DHRS3: variants seen among roughly 807,000 people sequenced by gnomAD.
The protein encoded by DHRS3 is dehydrogenase/reductase 3.
Under a neutral mutation model 27.2 loss-of-function variants are expected in DHRS3, and 14 were observed. That is an observed-to-expected ratio of 0.52 (90% CI 0.34 to 0.81). The LOEUF is 0.81. DHRS3 is among the 30% of genes least tolerant of loss of function. DHRS3 has a pLI of 0.01. For synonymous variants in DHRS3, 165 were observed against 175.9 expected (o/e 0.94, Z 0.49); for missense variants, 322 against 406.2 (o/e 0.79, Z 1.78).
rs1433586409 is a variant in DHRS3, at chr1:12,617,440, G to A, written c.-92C>T. 1.5e-6 allele frequency: 2 copies of A among 1,325,464 alleles called. No homozygotes were observed. The highest frequency in any genetic ancestry group is 1.0e-6 in the Non-Finnish European group (1 of 994,296). 82.1% of individuals were successfully genotyped at this position (1,325,464 alleles called of 1,614,324 possible). On this transcript the variant is annotated 5_prime_UTR_variant, in exon 1 of 6. Transcript: ENST00000616661. ...CACCCCGAACAATAAATAGTAAACC[G>A]AATAAGGAGGAGAGAGGCGTCCCAC...
chr1:12,580,375 G>A lies in DHRS3; in HGVS notation c.339+148C>T, dbSNP rs753341156. The A allele has an allele frequency of 8.7e-6, 9 of 1,029,896 alleles. 1 individual carries two copies. The South Asian group carries it at 9.5e-5, about 11-fold the overall frequency. The allele number at this position is 1,029,896 out of a possible 1,614,324, so 63.8% of individuals were successfully genotyped here. A position where few individuals can be genotyped will look rare whatever the true frequency, so the allele number is the denominator to read the frequency against. On this transcript the variant is annotated intron_variant, in intron 2 of 5. Transcript: ENST00000616661. Reference sequence around the variant, plus strand: ...ATCCCTGCCTATGTAACTGGGGCCAGCTTCATGGGAGAGTCCCCAAAGGTG... The same window carrying A: ...ATCCCTGCCTATGTAACTGGGGCCAACTTCATGGGAGAGTCCCCAAAGGTG...
rs540641353 is a variant in DHRS3 at position 12,578,777 on chromosome 1, G to A, written c.639C>T (p.Ser213=). The change falls in exon 4 of 6, where the codon AGC becomes AGT. Residue 213 remains serine (S), a synonymous_variant. Transcript: ENST00000616661. This position sits in a 1 kb window ranked among gnomAD's most constrained non-coding sequence, Gnocchi z 4.5. ...TLGLLDCPGV[S]ATTVLPFHTS... is the part of the protein sequence containing the mutation. ...TGTGGAAGGGCAGCACTGTGGTGGC[G>A]CTGACTCCCGGACAGTCCAGCAGCC... The A allele has an allele frequency of 5.5e-5, 89 of 1,614,070 alleles. No homozygotes were observed. The highest frequency in any genetic ancestry group is 9.9e-5 in the South Asian group (9 of 91,076).
In DHRS3 at chr1:12,600,030, G is replaced by A. The variant is rs544678829; in HGVS notation, c.195+17124C>T. ...GTGCTTGCAGCTGCCTTCAGCCATG[G>A]TCCACCCTACCAAGGCATGTAGGCT... On this transcript the variant is annotated intron_variant, in intron 1 of 5. Transcript: ENST00000616661. 6.6e-5 allele frequency among the ~76,000 whole-genome samples: 10 copies of A among 152,252 alleles called. No homozygotes were observed. The East Asian group carries it at 1.9e-3, about 29-fold the overall frequency.
At chr1:12,609,110 T>A (rs1646890027) in intron 1 of DHRS3, among the ~76,000 whole-genome samples, 1 of 152,228 alleles carries the variant, frequency 6.6e-6, no homozygotes, top group Non-Finnish European at 1.5e-5. Flanking sequence ...ACTACTGCCA[T>A]TAGAAGCCTG....
At chr1:12,597,300 C>T (rs1317509838) in intron 1 of DHRS3, among the ~76,000 whole-genome samples, 1 of 152,186 alleles carries the variant, frequency 6.6e-6, no homozygotes, top group South Asian at 2.1e-4. Context: ...TGGTCTCGAA[C>T]TCCTGACCTC....
chr1:12,588,002 T>C (rs1646712276), intron 1 of DHRS3, among the ~76,000 whole-genome samples: 1 of 152,228 alleles, frequency 6.6e-6, no homozygotes, highest in Admixed American at 6.5e-5. Flanking sequence ...CATTACACAG[T>C]GCTCTTGGCC....
chr1:12,576,545 G>T (rs891880425), intron 4 of DHRS3, among the ~76,000 whole-genome samples: 8 of 151,186 alleles, frequency 5.3e-5, no homozygotes, highest in African/African-American at 1.9e-4. Context: ...CTGGGCGACA[G>T]AGCAAGATTC....
chr1:12,577,558 C>G (rs1646600619), intron 4 of DHRS3, among the ~76,000 whole-genome samples: 1 of 152,196 alleles, frequency 6.6e-6, no homozygotes, highest in South Asian at 2.1e-4. Flanking sequence ...GGCGTGGTGG[C>G]TCACACCTGT....
chr1:12,579,919 G>C (rs922890157), intron 2 of DHRS3: 2 of 180,856 alleles, frequency 1.1e-5, no homozygotes, highest in African/African-American at 4.8e-5. Flanking sequence ...CCTAGTTCCA[G>C]TTATCCTGCA....
rs1350354646 is a variant in DHRS3 at position 12,612,219 on chromosome 1, C to T, written c.195+4935G>A. Among the ~76,000 whole-genome samples, 2 of 152,080 alleles carry T rather than the reference C, an allele frequency of 1.3e-5. 1 individual carries two copies. The highest frequency in any genetic ancestry group is 4.1e-4 in the South Asian group (2 of 4,820). The stretch of plus-strand genomic sequence containing the variant: ...CAGAGTGAGGATGGGAGAGATGGGC[C>T]ACTGCTCTCTCCCTGTAAATTGGTT... On this transcript the variant is annotated intron_variant, in intron 1 of 5. Transcript: ENST00000616661.
rs61776825 is a variant in DHRS3 at position 12,569,227 on chromosome 1, T to A, written c.825-803A>T. On this transcript the variant is annotated intron_variant, in intron 5 of 5. Coordinates refer to ENST00000616661, the MANE Select transcript of DHRS3 (RefSeq NM_004753.7). ...AGTAAAACTCTGTCCCCTCTCTCTCTCTCTCACACACACACACACACACAC... is the reference window on the plus strand; with the variant it reads ...AGTAAAACTCTGTCCCCTCTCTCTCACTCTCACACACACACACACACACAC... Among the ~76,000 whole-genome samples, 367 of 135,994 alleles carry A rather than the reference T, an allele frequency of 2.7e-3. 2 individuals carry two copies. The highest frequency in any genetic ancestry group is 7.9e-3 in the African/African-American group (295 of 37,404). 89.2% of individuals were successfully genotyped at this position (135,994 alleles called of 152,430 possible).
At position 12,617,857 on chromosome 1, in the gene DHRS3, C is replaced by CCCCCAA. The variant is rs1646956401; in HGVS notation, c.-510_-509insTTGGGG. On this transcript the variant is annotated 5_prime_UTR_variant, in exon 1 of 6. Transcript: ENST00000616661. ...AGCGCCCCCACCCCCACCCCGTCTC[C>CCCCCAA]AGAAAAAAAAAAAAAAAAAAAGTGG... The CCCCCAA allele has an allele frequency of 1.8e-5, 1 of 57,088 alleles. No individual in the cohort carries two copies. The highest frequency in any genetic ancestry group is 3.3e-5 in the Non-Finnish European group (1 of 29,950). 3.5% of individuals were successfully genotyped at this position (57,088 alleles called of 1,614,324 possible).
intron 1 of DHRS3, among the ~76,000 whole-genome samples, chr1:12,587,550 T>G (rs1038294187): frequency 2.0e-5 from 3 of 152,052 alleles, no homozygotes; most frequent in African/African-American, 7.3e-5. Context: ...AGAACAAGTA[T>G]TGTTATTTAT....
intron 1 of DHRS3, among the ~76,000 whole-genome samples, chr1:12,588,469 T>C (rs1646716868): frequency 6.6e-6 from 1 of 152,218 alleles, no homozygotes; most frequent in African/African-American, 2.4e-5. Flanking sequence ...AGGATACCCA[T>C]TCCTCACTGC....
intron 3 of DHRS3, 155 bp from the exon 4 acceptor site, chr1:12,579,111 C>T (rs1646619742): frequency 1.6e-6 from 2 of 1,276,830 alleles, no homozygotes; most frequent in South Asian, 1.4e-5. Flanking sequence ...TGCCCCAGGA[C>T]ACCGAGCATA....
intron 1 of DHRS3, among the ~76,000 whole-genome samples, chr1:12,603,299 G>A (rs4846126): frequency 0.45 from 68,370 of 152,174 alleles, 16,243 homozygotes; most frequent in South Asian, 0.55. Flanking sequence ...GCAAATCCAA[G>A]AAGGGTCCAT....
At chr1:12,611,041 A>G (rs1203613547) in intron 1 of DHRS3, among the ~76,000 whole-genome samples, 2 of 152,234 alleles carry the variant, frequency 1.3e-5, no homozygotes, top group African/African-American at 2.4e-5. Context: ...AGGACACCTC[A>G]TAAATACAGC....
At chr1:12,585,923 C>G (rs898482471) in intron 1 of DHRS3, among the ~76,000 whole-genome samples, 3 of 152,200 alleles carry the variant, frequency 2.0e-5, no homozygotes, top group Non-Finnish European at 4.4e-5. Context: ...CAGGCAGCAG[C>G]TGGGAAGGCC....
chr1:12,572,230 C>T (rs972616301), intron 5 of DHRS3, among the ~76,000 whole-genome samples: 7 of 152,158 alleles, frequency 4.6e-5, no homozygotes, highest in Admixed American at 3.9e-4. Flanking sequence ...TGCAGTGGCA[C>T]GATCTCGGCT....
Sources: gnomAD v4.1 joint callset for allele counts (sites outside exome capture counted in the v4.1 genomes callset) on GRCh38, gnomAD v4.1.1 for gene constraint, Gnocchi (gnomAD v3.1) non-coding constraint, MANE v1.5 for transcripts, NCBI Gene and HGNC (gene_info 2026-07-23, HGNC 2026-07-21) for gene names.